The following LIG1 variants were observed in gnomAD, a reference collection of about 807,000 sequenced individuals.
LIG1 encodes ligase I, DNA, ATP-dependent.
Under a neutral mutation model 115.7 loss-of-function variants are expected in LIG1, and 70 were observed. The ratio of observed to expected loss-of-function variants is 0.60; its 90% confidence interval spans 0.50 to 0.74. The LOEUF is 0.74. LIG1 is among the 30% of genes least tolerant of loss of function. The pLI is 0.00. For missense variants in LIG1, 1,115 were observed against 1,225.6 expected (o/e 0.91, Z 1.35); for synonymous variants, 487 against 495.3 (o/e 0.98, Z 0.22).
chr19:48,141,121 T>C (rs949484853), intron 11 of LIG1, among the ~76,000 whole-genome samples: 4 of 152,338 alleles, frequency 2.6e-5, no homozygotes, highest in Non-Finnish European at 4.4e-5. Flanking sequence ...TTTTCTAAAT[T>C]CAGGAGCTGG....
At position 48,149,789 on chromosome 19, in the gene LIG1, A is replaced by T; in HGVS notation, c.750T>A (p.Ala250=). The T allele has an allele frequency of 6.2e-7, 1 of 1,614,078 alleles. No homozygotes were observed. Among genetic ancestry groups the T allele is most frequent in the Non-Finnish European group, 8.5e-7 (1 of 1,179,984 alleles). Residue 250 remains alanine (A), a synonymous_variant, in exon 9 of 28, where the codon GCT becomes GCA. Transcript: ENST00000263274. ...CCTCAGCAGCTCCCTCCTTTCCTGGAGCCCCTGGCTCCTCTTCCTTCACTT... is the reference window on the plus strand; with the variant it reads ...CCTCAGCAGCTCCCTCCTTTCCTGGTGCCCCTGGCTCCTCTTCCTTCACTT... The part of the protein sequence containing the change: ...KKEVKEEEPG[A]PGKEGAAEGP...
chr19:48,158,442 G>A (rs778858872), intron 4 of LIG1, among the ~76,000 whole-genome samples: 9 of 152,206 alleles, frequency 5.9e-5, no homozygotes, highest in Non-Finnish European at 4.4e-5. Flanking sequence ...ATAAGTTTGC[G>A]TCTTGCCTAA....
At chr19:48,115,766 G>A (rs758935614) in intron 27 of LIG1, 34 bp from the exon 28 acceptor site, 3 of 1,591,680 alleles carry the variant, frequency 1.9e-6, no homozygotes, top group South Asian at 1.1e-5. Context: ...GTGGTCAGAA[G>A]CTCCCTGGCT....
chr19:48,132,946 C>T (rs774459828), intron 18 of LIG1, 36 bp downstream of exon 18: 3 of 1,477,948 alleles, frequency 2.0e-6, no homozygotes, highest in Non-Finnish European at 2.8e-6. Context: ...TTGACGTTTT[C>T]CTGTCTGTGG....
intron 4 of LIG1, among the ~76,000 whole-genome samples, chr19:48,158,815 C>A (rs940693064): frequency 6.6e-6 from 1 of 152,214 alleles, no homozygotes; most frequent in Admixed American, 6.5e-5. Flanking sequence ...GTTGCAGGCT[C>A]TCGGGGCACC....
chr19:48,145,855 C>T (rs1405587731), intron 9 of LIG1: 3 of 152,288 alleles, frequency 2.0e-5, no homozygotes, highest in Admixed American at 6.5e-5. Context: ...AGAAGAGAGA[C>T]ACAGAAAGGC....
At position 48,143,531 on chromosome 19, in the gene LIG1, C is replaced by T. The variant is rs749054442; in HGVS notation, c.914+12G>A. On this transcript the variant is annotated intron_variant, in intron 11 of 27. Coordinates refer to ENST00000263274, the MANE Select transcript of LIG1 (RefSeq NM_000234.3). ...GACCCCGCCCCCCACCCAGGCAGTCCTCATTAGTTACCGAGCAGACACCTC... is the reference window on the plus strand; with the variant it reads ...GACCCCGCCCCCCACCCAGGCAGTCTTCATTAGTTACCGAGCAGACACCTC... The T allele has an allele frequency of 2.5e-6, 2 of 808,076 alleles. No homozygotes were observed. The highest frequency in any genetic ancestry group is 4.4e-5 in the East Asian group (1 of 22,510). 50.1% of individuals were successfully genotyped at this position (808,076 alleles called of 1,614,324 possible). A position where few individuals can be genotyped will look rare whatever the true frequency, so the allele number is the denominator to read the frequency against.
At position 48,115,884 on chromosome 19, in the gene LIG1, T is replaced by C. The variant is rs748252507; in HGVS notation, c.2665A>G (p.Thr889Ala). Reference sequence around the variant, plus strand: ...TCCCAGGACCTCACCTGAGCACTGGTGGTGGCCTGCTCCGGCTGCTTGTCT... The same window carrying C: ...TCCCAGGACCTCACCTGAGCACTGGCGGTGGCCTGCTCCGGCTGCTTGTCT... ...REDKQPEQAT[T>A]SAQVACLYRK... Residue 889 changes from threonine to alanine, a missense_variant, in exon 27 of 28, where the codon ACC becomes GCC. Coordinates refer to ENST00000263274, the MANE Select transcript of LIG1 (RefSeq NM_000234.3). 6.2e-7 allele frequency: 1 copy of C among 1,613,748 alleles called. No homozygotes were observed. Among genetic ancestry groups the C allele is most frequent in the Non-Finnish European group, 8.5e-7 (1 of 1,179,818 alleles).
intron 2 of LIG1, 43 bp from the exon 3 acceptor site, chr19:48,162,394 A>G (rs1599880033): frequency 1.5e-6 from 2 of 1,353,862 alleles, no homozygotes; most frequent in Non-Finnish European, 2.1e-6. Flanking sequence ...GAATAACAGC[A>G]CCAATACCCT....
intron 21 of LIG1, among the ~76,000 whole-genome samples, chr19:48,124,545 G>T (rs1208664002): frequency 2.0e-5 from 3 of 152,188 alleles, no homozygotes; most frequent in African/African-American, 7.2e-5. Context: ...TGTGCCAAGG[G>T]CAAAACAGTC....
intron 1 of LIG1, 61 bp from the exon 2 acceptor site, chr19:48,165,684 TA>T (rs1210153484): frequency 2.6e-6 from 3 of 1,133,900 alleles, no homozygotes; most frequent in Middle Eastern, 1.9e-4. Context: ...TAAACACACA[TA>T]AAACCCTTTC....
At chr19:48,142,730 G>A (rs1324429741) in intron 11 of LIG1, among the ~76,000 whole-genome samples, 1 of 152,088 alleles carries the variant, frequency 6.6e-6, no homozygotes, top group African/African-American at 2.4e-5. Flanking sequence ...TGCAATCTCT[G>A]CCTCCTGGGT....
At chr19:48,156,689 TC>T (rs2035859673) in intron 5 of LIG1, among the ~76,000 whole-genome samples, 1 of 151,406 alleles carries the variant, frequency 6.6e-6, no homozygotes, top group Non-Finnish European at 1.5e-5. Flanking sequence ...ACGCCTGTAA[TC>T]CCAGCACTTT....
chr19:48,125,371 T>A (rs1286087536), intron 21 of LIG1, among the ~76,000 whole-genome samples: 1 of 152,200 alleles, frequency 6.6e-6, no homozygotes, highest in Non-Finnish European at 1.5e-5. Flanking sequence ...CTGACTGTCT[T>A]CCTACAGTAA....
intron 5 of LIG1, among the ~76,000 whole-genome samples, chr19:48,156,152 G>A (rs436303): frequency 0.13 from 19,032 of 152,002 alleles, 2,080 homozygotes; most frequent in African/African-American, 0.29. Context: ...CCAATCCTGC[G>A]CTCTACACGC....
intron 1 of LIG1, among the ~76,000 whole-genome samples, chr19:48,168,749 G>A (rs2036605577): frequency 6.6e-6 from 1 of 152,126 alleles, no homozygotes; most frequent in African/African-American, 2.4e-5. Flanking sequence ...GTTTTTTGGG[G>A]GGATGATAAA....
At chr19:48,162,626 G>A (rs149449746) in intron 2 of LIG1, among the ~76,000 whole-genome samples, 3 of 151,932 alleles carry the variant, frequency 2.0e-5, no homozygotes, top group African/African-American at 4.8e-5. Flanking sequence ...GTAGAGATGG[G>A]GTATCACCGT....
chr19:48,124,051 T>C (rs917450966), intron 21 of LIG1, among the ~76,000 whole-genome samples: 6 of 152,348 alleles, frequency 3.9e-5, no homozygotes, highest in East Asian at 3.9e-4. Context: ...ATGTCAACAC[T>C]GACTAATCCG....
intron 4 of LIG1, among the ~76,000 whole-genome samples, chr19:48,159,778 C>A (rs1175041769): frequency 1.3e-5 from 2 of 152,092 alleles, no homozygotes; most frequent in Non-Finnish European, 2.9e-5. Context: ...AGTGCAGTGG[C>A]ACGATCTTGG....
Sources: gnomAD v4.1 joint callset for allele counts (sites outside exome capture counted in the v4.1 genomes callset) on GRCh38, gnomAD v4.1.1 for gene constraint, MANE v1.5 for transcripts, NCBI Gene and HGNC (gene_info 2026-07-23, HGNC 2026-07-21) for gene names.